Variants in RUNX2 observed in about 807,000 individuals in gnomAD.
The protein encoded by RUNX2 is runt-related transcription factor 2.
Under a neutral mutation model 51.7 loss-of-function variants are expected in RUNX2, and 10 were observed. The observed-to-expected ratio is 0.19, with a 90% CI of 0.12 to 0.33. The LOEUF (loss-of-function observed/expected upper bound fraction) is 0.33. Among genes scored for constraint, RUNX2 ranks in the 10% least tolerant of loss-of-function variants. RUNX2 has a pLI of 1.00. For missense variants in RUNX2, 562 were observed against 691.3 expected, an observed-to-expected ratio of 0.81 and a Z score of 2.10; for synonymous variants, 276 against 273.6, an observed-to-expected ratio of 1.01 and a Z score of -0.09.
intron 2 of RUNX2, among the ~76,000 whole-genome samples, chr6:45,353,131 T>G (rs1274838963): frequency 1.3e-5 from 2 of 152,108 alleles, no homozygotes; most frequent in African/African-American, 4.8e-5. Context: ...AAATAAACTT[T>G]CTAAATGTAA....
intron 2 of RUNX2, among the ~76,000 whole-genome samples, chr6:45,399,339 C>CCTTTCCTTTTTTTTTTTTTTTTTTTTTT (rs1797648814): frequency 1.0e-5 from 1 of 95,240 alleles, no homozygotes; most frequent in Admixed American, 1.1e-4. Context: ...TCATTTCTTT[C>CCTTTCCTTTTTTTTTTTTTTTTTTTTTT]TTTTCTTTCC....
intron 2 of RUNX2, among the ~76,000 whole-genome samples, chr6:45,381,680 C>G (rs965825264): frequency 6.6e-6 from 1 of 152,174 alleles, no homozygotes; most frequent in African/African-American, 2.4e-5. Context: ...CCTCCTGCCT[C>G]AGCCTCCCAA....
At chr6:45,410,111 C>T (rs75988681) in intron 2 of RUNX2, among the ~76,000 whole-genome samples, 12,143 of 152,040 alleles carry the variant, frequency 0.08, 712 homozygotes, top group South Asian at 0.18. Context: ...CTTGGGAAGG[C>T]CAGGACATGA....
chr6:45,357,297 G>A (rs1793405163), intron 2 of RUNX2, among the ~76,000 whole-genome samples: 1 of 152,018 alleles, frequency 6.6e-6, no homozygotes, highest in Admixed American at 6.6e-5. Context: ...GTGAGCCACT[G>A]TGCCCGGTCA....
At chr6:45,333,972 C>T (rs1023258289) in intron 2 of RUNX2, among the ~76,000 whole-genome samples, 4 of 151,018 alleles carry the variant, frequency 2.6e-5, no homozygotes, top group African/African-American at 9.7e-5. Context: ...TACGCAATTT[C>T]GATAATGTTT....
chr6:45,518,466 T>A (rs1322717145), intron 7 of RUNX2, among the ~76,000 whole-genome samples: 1 of 152,200 alleles, frequency 6.6e-6, no homozygotes, highest in Non-Finnish European at 1.5e-5. Flanking sequence ...ATTTTTGATT[T>A]ACTCCTGCTG....
chr6:45,346,681 C>T (rs2150162163), intron 2 of RUNX2, among the ~76,000 whole-genome samples: 1 of 151,782 alleles, frequency 6.6e-6, no homozygotes, highest in South Asian at 2.1e-4. Flanking sequence ...AATTCTCTTG[C>T]CTCTGCCTGA....
At chr6:45,506,869 T>G (rs1396105197) in intron 6 of RUNX2, among the ~76,000 whole-genome samples, 1 of 152,122 alleles carries the variant, frequency 6.6e-6, no homozygotes, top group Non-Finnish European at 1.5e-5. Flanking sequence ...TTACCCAGGC[T>G]GGTCTCCAAC....
At chr6:45,408,648 G>A (rs1797887146) in intron 2 of RUNX2, among the ~76,000 whole-genome samples, 1 of 151,872 alleles carries the variant, frequency 6.6e-6, no homozygotes, top group South Asian at 2.1e-4. Context: ...CTACACCTAG[G>A]CTAGGGTCAA....
At chr6:45,360,135 C>T (rs1178464353) in intron 2 of RUNX2, among the ~76,000 whole-genome samples, 2 of 152,184 alleles carry the variant, frequency 1.3e-5, no homozygotes, top group Admixed American at 6.5e-5. Flanking sequence ...TGCAACAGCA[C>T]GGAATCTGGA....
Position 45,527,516 on chromosome 6 carries a change from G to T in RUNX2, c.1021+15109G>T, listed in dbSNP as rs562242147. Among the ~76,000 whole-genome samples the T allele has an allele frequency of 1.3e-3, 202 of 152,268 alleles. 1 individual carries two copies. The highest frequency in any genetic ancestry group is 4.6e-3 in the African/African-American group (193 of 41,562). ...CTGGAGTAGAGAGAGAATTTTGCTGGTATCATCAAAATGCTTTAGTAATGT... is the reference window on the plus strand; with the variant it reads ...CTGGAGTAGAGAGAGAATTTTGCTGTTATCATCAAAATGCTTTAGTAATGT... On this transcript the variant is annotated intron_variant, in intron 7 of 8. Coordinates refer to ENST00000647337, the MANE Select transcript of RUNX2 (RefSeq NM_001024630.4).
intron 2 of RUNX2, among the ~76,000 whole-genome samples, chr6:45,387,851 G>A (rs1797384635): frequency 6.6e-6 from 1 of 152,178 alleles, no homozygotes; most frequent in African/African-American, 2.4e-5. Context: ...GGATTAATTG[G>A]ACTTAGCCAG....
chr6:45,445,741 C>T (rs1582120130), intron 5 of RUNX2, among the ~76,000 whole-genome samples: 2 of 150,698 alleles, frequency 1.3e-5, no homozygotes, highest in Admixed American at 6.7e-5. Context: ...TATAAAACAT[C>T]GTTGAAAATC....
chr6:45,344,184 C>T (rs1331361695), intron 2 of RUNX2, among the ~76,000 whole-genome samples: 1 of 152,168 alleles, frequency 6.6e-6, no homozygotes, highest in African/African-American at 2.4e-5. Context: ...TAGTAGTATA[C>T]AAAGAGTTAG....
chr6:45,446,637 A>G (rs1799006722), intron 5 of RUNX2, among the ~76,000 whole-genome samples: 2 of 152,148 alleles, frequency 1.3e-5, no homozygotes, highest in South Asian at 4.1e-4. Context: ...ACCAGTGAAT[A>G]GGACATACTT....
At chr6:45,443,430 C>G (rs1348614179) in intron 5 of RUNX2, among the ~76,000 whole-genome samples, 1 of 152,090 alleles carries the variant, frequency 6.6e-6, no homozygotes, top group Non-Finnish European at 1.5e-5. Flanking sequence ...AAGCAAGACA[C>G]AGGTGCAGCC....
intron 4 of RUNX2, among the ~76,000 whole-genome samples, chr6:45,432,636 G>A (rs1798573556): frequency 1.3e-5 from 2 of 152,130 alleles, no homozygotes; most frequent in South Asian, 4.1e-4. Flanking sequence ...TCCATACTAT[G>A]TAAGGATTCC....
chr6:45,510,247 T>G (rs920428134), intron 6 of RUNX2, among the ~76,000 whole-genome samples: 1 of 152,226 alleles, frequency 6.6e-6, no homozygotes, highest in Non-Finnish European at 1.5e-5. Context: ...AATTATCCTT[T>G]AGATTTCTGA....
intron 5 of RUNX2, among the ~76,000 whole-genome samples, chr6:45,483,163 G>A (rs562012763): frequency 7.9e-5 from 12 of 152,216 alleles, no homozygotes; most frequent in African/African-American, 2.2e-4. Flanking sequence ...AATTTCCAGC[G>A]GCTCAAAGGG....
Sources: gnomAD v4.1 joint callset for allele counts (sites outside exome capture counted in the v4.1 genomes callset) on GRCh38, gnomAD v4.1.1 for gene constraint, MANE v1.5 for transcripts, NCBI Gene and HGNC (gene_info 2026-07-23, HGNC 2026-07-21) for gene names.